The following TMEM117 variants were observed in gnomAD, a reference collection of about 807,000 sequenced individuals.
TMEM117 encodes the protein transmembrane protein 117.
A neutral mutation model predicts 52.4 loss-of-function variants in TMEM117; 27 were observed. The ratio of observed to expected loss-of-function variants is 0.51; its 90% CI spans 0.38 to 0.71. The LOEUF (loss-of-function observed/expected upper bound fraction) is 0.71. Among genes scored for constraint, TMEM117 ranks in the 30% least tolerant of loss-of-function variants. TMEM117 has a pLI of 0.00. For synonymous variants in TMEM117, 215 were observed against 206.3 expected (o/e 1.04, Z -0.36); for missense variants, 556 against 630.5 (o/e 0.88, Z 1.26).
chr12:44,284,296 G>A (rs1950612479), intron 5 of TMEM117, among the ~76,000 whole-genome samples: 1 of 152,022 alleles, frequency 6.6e-6, no homozygotes, highest in South Asian at 2.1e-4. Context: ...TGGTGACACA[G>A]CGAGACTCCG....
intron 2 of TMEM117, among the ~76,000 whole-genome samples, chr12:43,902,156 G>A (rs1394496248): frequency 6.6e-6 from 1 of 152,254 alleles, no homozygotes; most frequent in Non-Finnish European, 1.5e-5. Context: ...TGGAACAGAA[G>A]TGATCTAGGG....
chr12:43,932,392 C>A (rs2137583351), intron 2 of TMEM117, among the ~76,000 whole-genome samples: 1 of 145,816 alleles, frequency 6.9e-6, no homozygotes, highest in African/African-American at 2.5e-5. Flanking sequence ...CTTTCAAATA[C>A]CCTTTTTGAT....
chr12:44,226,734 G>A (rs1949866958), intron 5 of TMEM117, among the ~76,000 whole-genome samples: 1 of 152,066 alleles, frequency 6.6e-6, no homozygotes, highest in African/African-American at 2.4e-5. Flanking sequence ...CACACAGAGT[G>A]TAGATTATGT....
intron 5 of TMEM117, among the ~76,000 whole-genome samples, chr12:44,264,181 TTCTG>T (rs1186730676): frequency 3.3e-5 from 5 of 152,150 alleles, no homozygotes; most frequent in Admixed American, 1.3e-4. Flanking sequence ...AAGTTTGTTT[TTCTG>T]TCTATTTGAT....
intron 3 of TMEM117, among the ~76,000 whole-genome samples, chr12:44,007,187 C>T (rs1308259489): frequency 1.3e-5 from 2 of 152,136 alleles, no homozygotes; most frequent in Non-Finnish European, 2.9e-5. Flanking sequence ...TACACATGAG[C>T]ATACATAATC....
intron 6 of TMEM117, among the ~76,000 whole-genome samples, chr12:44,302,394 C>T (rs117030502): frequency 6.6e-6 from 1 of 152,318 alleles, no homozygotes; most frequent in Non-Finnish European, 1.5e-5. Flanking sequence ...TGGGCATTTG[C>T]CCACAGCATA....
At chr12:44,256,540 T>A (rs933641219) in intron 5 of TMEM117, among the ~76,000 whole-genome samples, 1 of 152,068 alleles carries the variant, frequency 6.6e-6, no homozygotes, top group Non-Finnish European at 1.5e-5. Context: ...AATTTTGATG[T>A]AGATTTATAC....
chr12:44,202,691 T>G (rs568710212), intron 4 of TMEM117, among the ~76,000 whole-genome samples: 1 of 152,284 alleles, frequency 6.6e-6, no homozygotes, highest in African/African-American at 2.4e-5. Context: ...TCTTCCTTGA[T>G]TTTTGGAATA....
chr12:44,110,185 T>G (rs375940965), intron 3 of TMEM117, among the ~76,000 whole-genome samples: 8 of 131,140 alleles, frequency 6.1e-5, no homozygotes, highest in Non-Finnish European at 1.1e-4. Flanking sequence ...TTTTCCTAAT[T>G]GAATACCCTT....
the TMEM117 span, among the ~76,000 whole-genome samples, chr12:43,803,129 G>A: frequency 2.6e-5 from 4 of 152,130 alleles, no homozygotes; most frequent in African/African-American, 9.7e-5. Flanking sequence ...ATAATGTGTG[G>A]CATAGTCATA....
In TMEM117 at chr12:44,210,129, C is replaced by T. The variant is rs17094244; in HGVS notation, c.511-1161C>T. On this transcript the variant is annotated intron_variant, in intron 4 of 7. Coordinates refer to ENST00000266534, the MANE Select transcript of TMEM117 (RefSeq NM_032256.3). ...TTACTCAATGCAGTAAACCTCATTTCGTTTCTGTTTTCATAATTTTGAATC... is the reference window on the plus strand; with the variant it reads ...TTACTCAATGCAGTAAACCTCATTTTGTTTCTGTTTTCATAATTTTGAATC... Among the ~76,000 whole-genome samples the T allele has an allele frequency of 2.4e-3, 371 of 152,140 alleles. 12 individuals carry two copies. The East Asian group carries it at 0.035, about 14-fold the overall frequency.
At position 44,268,074 on chromosome 12, in the gene TMEM117, A is replaced by G. The variant is rs189263806; in HGVS notation, c.609-31506A>G. Among the ~76,000 whole-genome samples the G allele has an allele frequency of 3.0e-3, 449 of 152,144 alleles. 1 individual carries two copies. Among genetic ancestry groups the G allele is most frequent in the African/African-American group, 0.01 (423 of 41,518 alleles). ...ATGTTTAATTTTTAATGATTTTTATAAAGGTTATGGGTCTGTAATTTTCCT... is the reference window on the plus strand; with the variant it reads ...ATGTTTAATTTTTAATGATTTTTATGAAGGTTATGGGTCTGTAATTTTCCT... On this transcript the variant is annotated intron_variant, in intron 5 of 7. Transcript: ENST00000266534.
Position 44,181,277 on chromosome 12 carries a change from C to T in TMEM117, c.511-30013C>T, listed in dbSNP as rs1012475762. On this transcript the variant is annotated intron_variant, in intron 4 of 7. Coordinates refer to ENST00000266534, the MANE Select transcript of TMEM117 (RefSeq NM_032256.3). ...AGCCCTTTGTCAGATGAGTAGGTTG[C>T]GAAAATTTTCTCCCATTCTGTAGGT... Among the ~76,000 whole-genome samples the T allele has an allele frequency of 3.7e-4, 56 of 151,542 alleles. 1 individual carries two copies. The East Asian group carries it at 4.3e-3, about 12-fold the overall frequency.
At chr12:43,909,946 A>G (rs1944466617) in intron 2 of TMEM117, among the ~76,000 whole-genome samples, 1 of 133,814 alleles carries the variant, frequency 7.5e-6, no homozygotes, top group Non-Finnish European at 1.6e-5. Flanking sequence ...TCCTTCTGAA[A>G]CTATTCCAAT....
At chr12:44,271,245 A>C (rs1316957777) in intron 5 of TMEM117, among the ~76,000 whole-genome samples, 5 of 152,054 alleles carry the variant, frequency 3.3e-5, no homozygotes, top group Non-Finnish European at 5.9e-5. Flanking sequence ...ATAGTAATAT[A>C]ATTTTAACTA....
Position 43,844,798 on chromosome 12 carries a change from CTG to C in TMEM117, c.149_150del (p.Cys50PhefsTer7). ...AAGCCAATGTTATTGTTGTTGGAAA[CTG>C]TTTTTCATTTGTTACAAATAAATAC... ...TEANVIVVGN[C>X]FSFVTNKYPR... On this transcript the variant is annotated frameshift_variant, in exon 2 of 8. Coordinates refer to ENST00000266534, the MANE Select transcript of TMEM117 (RefSeq NM_032256.3). LOFTEE classifies it high-confidence loss of function. 6.2e-7 allele frequency: 1 copy of C among 1,614,144 alleles called. No homozygotes were observed. The highest frequency in any genetic ancestry group is 1.3e-5 in the African/African-American group (1 of 75,052).
intron 2 of TMEM117, among the ~76,000 whole-genome samples, chr12:43,943,842 G>A (rs1172502337): frequency 2.6e-5 from 4 of 152,202 alleles, no homozygotes; most frequent in African/African-American, 9.6e-5. Context: ...TAGGATTCAT[G>A]CAACTTCTTT....
At chr12:44,229,562 G>A (rs1479271113) in intron 5 of TMEM117, among the ~76,000 whole-genome samples, 2 of 151,996 alleles carry the variant, frequency 1.3e-5, no homozygotes, top group East Asian at 3.9e-4. Flanking sequence ...AGGGATTTTG[G>A]AACAATTCAC....
intron 6 of TMEM117, among the ~76,000 whole-genome samples, chr12:44,352,556 TG>T (rs1951579398): frequency 6.6e-6 from 1 of 152,138 alleles, no homozygotes; most frequent in Non-Finnish European, 1.5e-5. Flanking sequence ...TTTGGTTTTT[TG>T]TCCCTGCGAT....
Sources: gnomAD v4.1 joint callset for allele counts (sites outside exome capture counted in the v4.1 genomes callset) on GRCh38, gnomAD v4.1.1 for gene constraint, MANE v1.5 for transcripts, NCBI Gene and HGNC (gene_info 2026-07-23, HGNC 2026-07-21) for gene names.